Variants in AGBL4 observed in about 807,000 individuals in gnomAD.
AGBL4 encodes cytosolic carboxypeptidase 6.
A neutral mutation model predicts 66.4 loss-of-function variants in AGBL4; 58 were observed. The ratio of observed to expected loss-of-function variants is 0.87; its 90% CI spans 0.71 to 1.09. The LOEUF (loss-of-function observed/expected upper bound fraction) is 1.09. AGBL4 is among the 50% of genes least tolerant of loss of function. AGBL4 has a pLI of 0.00. For synonymous variants in AGBL4, 234 were observed against 222.9 expected (o/e 1.05, Z -0.44); for missense variants, 579 against 631.0 (o/e 0.92, Z 0.88).
intron 1 of AGBL4, among the ~76,000 whole-genome samples, chr1:49,861,065 C>A (rs1322012907): frequency 6.6e-6 from 1 of 152,112 alleles, no homozygotes; most frequent in Non-Finnish European, 1.5e-5. Context: ...GGAAGAAAAA[C>A]AGACCAAACT....
chr1:48,725,668 C>T (rs1231292613), intron 6 of AGBL4, among the ~76,000 whole-genome samples: 1 of 152,158 alleles, frequency 6.6e-6, no homozygotes, highest in East Asian at 1.9e-4. Flanking sequence ...TGATCCAGGT[C>T]CACTGCTGAC....
intron 2 of AGBL4, among the ~76,000 whole-genome samples, chr1:49,809,367 G>T (rs1162229831): frequency 7.3e-6 from 1 of 136,724 alleles, no homozygotes; most frequent in Admixed American, 8.9e-5. Context: ...TGTTCTCATT[G>T]TTCAATTCCC....
chr1:49,105,796 A>G (rs1411920118), intron 4 of AGBL4, among the ~76,000 whole-genome samples: 1 of 152,226 alleles, frequency 6.6e-6, no homozygotes, highest in Non-Finnish European at 1.5e-5. Flanking sequence ...GTGCAAATGT[A>G]TGGAAAACTC....
At chr1:49,843,296 TTGTG>T (rs71307607) in intron 2 of AGBL4, among the ~76,000 whole-genome samples, 21 of 147,878 alleles carry the variant, frequency 1.4e-4, no homozygotes, top group African/African-American at 4.7e-4. Flanking sequence ...CTAGCTAATT[TTGTG>T]TGTGTGTGTG....
At chr1:49,260,622 T>C (rs1653046963) in intron 3 of AGBL4, among the ~76,000 whole-genome samples, 1 of 152,050 alleles carries the variant, frequency 6.6e-6, no homozygotes, top group African/African-American at 2.4e-5. Context: ...AAGTTGAATC[T>C]CTGAATAGAC....
At chr1:49,543,892 G>T (rs1400538356) in intron 3 of AGBL4, among the ~76,000 whole-genome samples, 2 of 152,162 alleles carry the variant, frequency 1.3e-5, no homozygotes, top group Non-Finnish European at 2.9e-5. Flanking sequence ...AAGAAGTTCA[G>T]CCCTGGAAAA....
At chr1:49,580,386 C>A (rs553501384) in intron 3 of AGBL4, among the ~76,000 whole-genome samples, 1 of 152,188 alleles carries the variant, frequency 6.6e-6, no homozygotes, top group East Asian at 1.9e-4. Flanking sequence ...TGTAAAAATT[C>A]TTTGTTTCTT....
At chr1:49,389,479 A>C (rs1644803335) in intron 3 of AGBL4, among the ~76,000 whole-genome samples, 1 of 152,158 alleles carries the variant, frequency 6.6e-6, no homozygotes. Context: ...TGAGAAGTCA[A>C]GTAATTCAGC....
chr1:48,882,424 A>G (rs962227106), intron 5 of AGBL4, among the ~76,000 whole-genome samples: 1 of 152,194 alleles, frequency 6.6e-6, no homozygotes, highest in African/African-American at 2.4e-5. Flanking sequence ...AATTGTATAT[A>G]TTTACAGTGT....
intron 3 of AGBL4, among the ~76,000 whole-genome samples, chr1:49,658,730 T>C (rs1455448192): frequency 6.6e-6 from 1 of 151,810 alleles, no homozygotes; most frequent in Non-Finnish European, 1.5e-5. Flanking sequence ...AAGCTGGAAA[T>C]CATCATTCTC....
At chr1:48,688,231 G>A (rs568166756) in intron 6 of AGBL4, among the ~76,000 whole-genome samples, 1 of 152,278 alleles carries the variant, frequency 6.6e-6, no homozygotes, top group East Asian at 1.9e-4. Flanking sequence ...AACTAAACAT[G>A]TTGGAAAAGA....
At chr1:48,771,429 T>C (rs1199395348) in intron 6 of AGBL4, among the ~76,000 whole-genome samples, 1 of 152,232 alleles carries the variant, frequency 6.6e-6, no homozygotes. Context: ...TTTCTGCTTA[T>C]GAACCAGAAC....
chr1:48,770,585 T>A (rs1240878220), intron 6 of AGBL4, among the ~76,000 whole-genome samples: 2 of 152,188 alleles, frequency 1.3e-5, no homozygotes, highest in Non-Finnish European at 2.9e-5. Flanking sequence ...CAGATTGAGA[T>A]CTTTGACTTG....
intron 4 of AGBL4, among the ~76,000 whole-genome samples, chr1:49,115,281 T>C (rs1159154726): frequency 6.6e-6 from 1 of 152,180 alleles, no homozygotes; most frequent in Non-Finnish European, 1.5e-5. Flanking sequence ...AAAATATCAA[T>C]ACAAAGGCTG....
intron 5 of AGBL4, among the ~76,000 whole-genome samples, chr1:48,988,277 T>C (rs1021757175): frequency 4.6e-5 from 7 of 152,166 alleles, no homozygotes; most frequent in Non-Finnish European, 8.8e-5. Flanking sequence ...AACAAAATTG[T>C]GCCAAACTAT....
chr1:48,662,467 A>T (rs570399907), intron 7 of AGBL4, among the ~76,000 whole-genome samples: 1 of 152,340 alleles, frequency 6.6e-6, no homozygotes, highest in South Asian at 2.1e-4. Context: ...CTTTGACCTC[A>T]TGGTCACTTT....
intron 3 of AGBL4, among the ~76,000 whole-genome samples, chr1:49,488,149 T>A (rs1448804450): frequency 6.6e-6 from 1 of 151,870 alleles, no homozygotes; most frequent in Non-Finnish European, 1.5e-5. Flanking sequence ...ATGTTAATAT[T>A]TTGCCAGCTT....
rs377653341 is a variant in AGBL4, at chr1:49,393,778, A to G, written c.283-147914T>C. On this transcript the variant is annotated intron_variant, in intron 3 of 13. Transcript: ENST00000371839. ...AGCTGTGTGTGAGTGAAGACCTGAA[A>G]GCTTGAGAGTGCATTGTGATGTAGG... Among the ~76,000 whole-genome samples, 292 of 152,304 alleles carry G rather than the reference A, an allele frequency of 1.9e-3. 2 individuals are homozygous for G. The highest frequency in any genetic ancestry group is 0.01 in the South Asian group (49 of 4,822).
intron 5 of AGBL4, among the ~76,000 whole-genome samples, chr1:48,931,157 G>A (rs1655005455): frequency 6.6e-6 from 1 of 152,186 alleles, no homozygotes; most frequent in South Asian, 2.1e-4. Flanking sequence ...CTGAGATGTA[G>A]AAACTAATAT....
Sources: gnomAD v4.1 joint callset for allele counts (sites outside exome capture counted in the v4.1 genomes callset) on GRCh38, gnomAD v4.1.1 for gene constraint, MANE v1.5 for transcripts, NCBI Gene and HGNC (gene_info 2026-07-23, HGNC 2026-07-21) for gene names.